STOX2: variants seen among roughly 807,000 people sequenced by gnomAD.
The protein encoded by STOX2 is storkhead-box protein 2.
A neutral mutation model predicts 60.9 loss-of-function variants in STOX2; 28 were observed. That is an observed-to-expected ratio of 0.46 (90% CI 0.34 to 0.63). The LOEUF is 0.63. Ranked by LOEUF, STOX2 falls within the 30% of genes least tolerant of loss-of-function variation. STOX2 has a pLI of 0.01. For synonymous variants in STOX2, 472 were observed against 463.9 expected, an observed-to-expected ratio of 1.02 and a Z score of -0.22; for missense variants, 1,024 against 1,187.7, an observed-to-expected ratio of 0.86 and a Z score of 2.03.
intron 1 of STOX2, among the ~76,000 whole-genome samples, chr4:183,895,647 A>G (rs2111187488): frequency 6.6e-6 from 1 of 152,306 alleles, no homozygotes; most frequent in South Asian, 2.1e-4. Flanking sequence ...TTAATGACAG[A>G]AGATTTTGTT....
chr4:183,827,876 CAA>C (rs59675177), intron 1 of STOX2, among the ~76,000 whole-genome samples: 4,767 of 99,156 alleles, frequency 0.048, 216 homozygotes, highest in African/African-American at 0.15. Flanking sequence ...AATCCTGCCT[CAA>C]AAAAAAAAAA....
rs1740298604 is a variant in STOX2 at position 183,856,897 on chromosome 4, C to T, written c.364+58842C>T. ...TATTGAGAATTTACTTTGGAAAGTC[C>T]TGGAGATTTGGTCTGTGGCATCTGA... On this transcript the variant is annotated intron_variant, in intron 1 of 2. Transcript: ENST00000513034. The surrounding 1 kb of genome is among the most constrained non-coding windows in gnomAD (Gnocchi z 4.0). Among the ~76,000 whole-genome samples, 1 of 152,102 alleles carries T rather than the reference C, an allele frequency of 6.6e-6. No individual in the cohort carries two copies. Among genetic ancestry groups the T allele is most frequent in the African/African-American group, 2.4e-5 (1 of 41,398 alleles).
intron 1 of STOX2, among the ~76,000 whole-genome samples, chr4:183,873,173 C>T (rs555249748): frequency 2.0e-5 from 3 of 152,044 alleles, no homozygotes; most frequent in East Asian, 1.9e-4. Context: ...TTGGGCTGGG[C>T]GCAGTGGTTT....
At chr4:183,852,522 AGG>A (rs1427616775) in intron 1 of STOX2, among the ~76,000 whole-genome samples, 5 of 144,192 alleles carry the variant, frequency 3.5e-5, no homozygotes, top group Non-Finnish European at 6.1e-5. Flanking sequence ...GGAAAGGATG[AGG>A]GAAAGGATGA....
At chr4:183,820,712 A>G (rs941470529) in intron 1 of STOX2, among the ~76,000 whole-genome samples, 1 of 152,228 alleles carries the variant, frequency 6.6e-6, no homozygotes, top group Non-Finnish European at 1.5e-5. Flanking sequence ...TGCAGATTGA[A>G]TAACAGAAGC....
At chr4:183,887,061 C>T (rs1032381597) in intron 1 of STOX2, among the ~76,000 whole-genome samples, 1 of 152,062 alleles carries the variant, frequency 6.6e-6, no homozygotes, top group Non-Finnish European at 1.5e-5. Context: ...GAGTTCAAGA[C>T]CAACCTGGCC....
chr4:183,913,695 C>T (rs1258287166), intron 1 of STOX2, among the ~76,000 whole-genome samples: 2 of 151,998 alleles, frequency 1.3e-5, no homozygotes, highest in South Asian at 4.2e-4. Flanking sequence ...CTCTTGAACC[C>T]TGGAGGTGGA....
intron 3 of STOX2, chr4:184,015,912 A>C (rs571806526): frequency 6.6e-6 from 1 of 152,192 alleles, no homozygotes; most frequent in African/African-American, 2.4e-5. Context: ...GTTCTTCTCA[A>C]TCTGGCCCAG....
chr4:183,818,683 C>G (rs972322547), intron 1 of STOX2, among the ~76,000 whole-genome samples: 1 of 150,896 alleles, frequency 6.6e-6, no homozygotes, highest in African/African-American at 2.4e-5. Flanking sequence ...CGGGCAGAGG[C>G]GCCCCCCACC....
At chr4:183,943,899 A>C (rs921790048) in intron 1 of STOX2, among the ~76,000 whole-genome samples, 9 of 152,106 alleles carry the variant, frequency 5.9e-5, no homozygotes, top group African/African-American at 1.7e-4. Context: ...AAAAACCCCC[A>C]AAAAACAAAA....
At chr4:183,892,365 G>A (rs962228359) in intron 1 of STOX2, among the ~76,000 whole-genome samples, 9 of 152,114 alleles carry the variant, frequency 5.9e-5, no homozygotes, top group South Asian at 2.1e-4. Context: ...TGCAAGCTCC[G>A]CCTCCCGGGT....
intron 1 of STOX2, among the ~76,000 whole-genome samples, chr4:183,939,165 C>T (rs140267862): frequency 1.3e-3 from 194 of 152,294 alleles, no homozygotes; most frequent in African/African-American, 4.3e-3. Flanking sequence ...TTATTCCCTA[C>T]GGCTGCCATA....
At chr4:183,878,557 A>T (rs941778609) in intron 1 of STOX2, among the ~76,000 whole-genome samples, 21 of 152,224 alleles carry the variant, frequency 1.4e-4, no homozygotes, top group Admixed American at 3.9e-4. Context: ...GAGAACATAC[A>T]TGCAATCTTG....
In STOX2 at chr4:184,011,284, A is replaced by C. The variant is rs770687132; in HGVS notation, c.2446A>C (p.Arg816=). 1 of 1,613,974 alleles carries C rather than the reference A, an allele frequency of 6.2e-7. No individual in the cohort carries two copies. Among genetic ancestry groups the C allele is most frequent in the Non-Finnish European group, 8.5e-7 (1 of 1,179,872 alleles). The part of the protein sequence containing the change: ...LEREKERDLQ[R]KFEKNLTLLA... ...GCGGGAGAAGGAAAGAGACTTGCAG[A>C]GGAAATTTGAAAAGAACCTCACCCT... Residue 816 remains arginine, a synonymous_variant, in exon 3 of 4, where the codon AGG becomes CGG. Coordinates refer to ENST00000308497, the MANE Select transcript of STOX2 (RefSeq NM_020225.3). This position sits in a 1 kb window ranked among gnomAD's most constrained non-coding sequence, Gnocchi z 4.4.
At chr4:183,807,080 C>G (rs1390556616) in intron 1 of STOX2, among the ~76,000 whole-genome samples, 2 of 152,128 alleles carry the variant, frequency 1.3e-5, no homozygotes, top group African/African-American at 4.8e-5. Context: ...TCACGCCATT[C>G]TCCTGCTTCA....
intron 1 of STOX2, among the ~76,000 whole-genome samples, chr4:183,965,043 C>T (rs1316618350): frequency 1.3e-5 from 2 of 152,226 alleles, no homozygotes; most frequent in Non-Finnish European, 2.9e-5. Context: ...TTTCAATCAG[C>T]ATAAAAATCT....
At chr4:183,896,845 C>T (rs968359955) in intron 1 of STOX2, among the ~76,000 whole-genome samples, 1 of 152,176 alleles carries the variant, frequency 6.6e-6, no homozygotes, top group African/African-American at 2.4e-5. Flanking sequence ...ATGCATTTTA[C>T]TTTATAAATG....
chr4:183,965,163 T>C (rs768890943), intron 1 of STOX2, among the ~76,000 whole-genome samples: 4 of 152,210 alleles, frequency 2.6e-5, no homozygotes, highest in Non-Finnish European at 5.9e-5. Context: ...CACCAGCATG[T>C]CCGTTTTCTT....
chr4:183,961,742 C>T (rs970280117), intron 1 of STOX2, among the ~76,000 whole-genome samples: 2 of 152,106 alleles, frequency 1.3e-5, no homozygotes, highest in East Asian at 1.9e-4. Flanking sequence ...ATATGGTTTC[C>T]GTTTATATGG....
Sources: allele counts gnomAD v4.1 joint callset (sites outside exome capture counted in the v4.1 genomes callset), GRCh38; gene constraint gnomAD v4.1.1; non-coding constraint Gnocchi (gnomAD v3.1); transcripts MANE v1.5; gene names NCBI Gene and HGNC (gene_info 2026-07-23, HGNC 2026-07-21).